The following KCNIP4 variants were observed in gnomAD, a reference collection of about 807,000 sequenced individuals.
The protein encoded by KCNIP4 is Kv channel-interacting protein 4.
A neutral mutation model predicts 34.0 loss-of-function variants in KCNIP4; 12 were observed. The observed-to-expected ratio is 0.35, with a 90% confidence interval of 0.23 to 0.57. The LOEUF (loss-of-function observed/expected upper bound fraction) is 0.57. Ranked by LOEUF, KCNIP4 falls within the 20% of genes least tolerant of loss-of-function variation. The pLI is 0.83. For missense variants in KCNIP4, 238 were observed against 311.7 expected (o/e 0.76, Z 1.78); for synonymous variants, 124 against 102.2 (o/e 1.21, Z -1.29).
Position 21,716,186 on chromosome 4 carries a change from G to C in KCNIP4, c.61+232385C>G, listed in dbSNP as rs568990365. 6.6e-5 allele frequency among the ~76,000 whole-genome samples: 10 copies of C among 152,246 alleles called. 2 individuals carry two copies. Among genetic ancestry groups the C allele is most frequent in the African/African-American group, 2.4e-4 (10 of 41,556 alleles). On this transcript the variant is annotated intron_variant, in intron 1 of 8. Coordinates refer to ENST00000382152, the MANE Select transcript of KCNIP4 (RefSeq NM_025221.6). ...GTTGTCTACGGAACCCCAAGTCTAT[G>C]AGCAAAGTGACTCAGTTTACGTATG...
intron 1 of KCNIP4, among the ~76,000 whole-genome samples, chr4:21,810,855 C>CAA (rs1347675907): frequency 3.3e-5 from 5 of 151,930 alleles, no homozygotes; most frequent in Non-Finnish European, 7.4e-5. Context: ...ACACCAAAGA[C>CAA]AAAAAAACTC....
At chr4:20,739,513 G>A (rs905395769) in intron 5 of KCNIP4, among the ~76,000 whole-genome samples, 8 of 152,176 alleles carry the variant, frequency 5.3e-5, no homozygotes, top group African/African-American at 1.7e-4. Context: ...CTGACTGTTA[G>A]AAGGAAAACT....
chr4:20,894,159 G>A (rs540796826), intron 1 of KCNIP4, among the ~76,000 whole-genome samples: 1 of 152,296 alleles, frequency 6.6e-6, no homozygotes, highest in East Asian at 1.9e-4. Context: ...GGGATTACAG[G>A]CGTGAGCCAC....
intron 1 of KCNIP4, among the ~76,000 whole-genome samples, chr4:21,147,954 A>AAG (rs1374646326): frequency 7.2e-5 from 10 of 138,566 alleles, no homozygotes; most frequent in African/African-American, 2.7e-4. Context: ...AAAAAAAAAA[A>AAG]AAAAAAGAAA....
chr4:21,108,282 T>G (rs1748778089), intron 1 of KCNIP4, among the ~76,000 whole-genome samples: 1 of 136,952 alleles, frequency 7.3e-6, no homozygotes. Context: ...CCATATTTCT[T>G]GGAGGCTTTG....
chr4:21,200,405 T>C (rs1756406406), intron 1 of KCNIP4, among the ~76,000 whole-genome samples: 1 of 55,056 alleles, frequency 1.8e-5, no homozygotes, highest in South Asian at 8.3e-4. Flanking sequence ...TACATACATA[T>C]ATGTGTGTAT....
At chr4:20,900,596 A>G (rs1157128753) in intron 1 of KCNIP4, among the ~76,000 whole-genome samples, 1 of 152,200 alleles carries the variant, frequency 6.6e-6, no homozygotes, top group Non-Finnish European at 1.5e-5. Context: ...CTGAAGTGCC[A>G]GATCCTGGCA....
intron 1 of KCNIP4, among the ~76,000 whole-genome samples, chr4:21,583,943 T>C (rs1265396181): frequency 1.3e-5 from 2 of 152,090 alleles, no homozygotes; most frequent in African/African-American, 4.8e-5. Context: ...ATGTTATTTA[T>C]GAACATAAAA....
intron 1 of KCNIP4, among the ~76,000 whole-genome samples, chr4:21,181,718 GACA>G (rs1202287932): frequency 6.6e-6 from 1 of 152,086 alleles, no homozygotes; most frequent in Non-Finnish European, 1.5e-5. Flanking sequence ...TCTCCTCTTT[GACA>G]ACAAGGCAGT....
intron 1 of KCNIP4, among the ~76,000 whole-genome samples, chr4:21,941,576 T>G (rs1163229956): frequency 1.3e-5 from 2 of 151,932 alleles, no homozygotes; most frequent in Admixed American, 6.6e-5. Context: ...GACATTTCCC[T>G]AAGCCAATAC....
chr4:21,650,106 G>A (rs1162662947), intron 1 of KCNIP4, among the ~76,000 whole-genome samples: 1 of 152,144 alleles, frequency 6.6e-6, no homozygotes, highest in Non-Finnish European at 1.5e-5. Flanking sequence ...ACTCCTTGAA[G>A]CAGAAACTAA....
At chr4:21,625,745 T>A (rs2109189581) in intron 1 of KCNIP4, among the ~76,000 whole-genome samples, 1 of 152,276 alleles carries the variant, frequency 6.6e-6, no homozygotes, top group East Asian at 1.9e-4. Context: ...AGCTTTCCAA[T>A]GACTAAATGC....
intron 1 of KCNIP4, among the ~76,000 whole-genome samples, chr4:21,029,416 G>T (rs528772085): frequency 6.6e-6 from 1 of 152,222 alleles, no homozygotes; most frequent in East Asian, 1.9e-4. Context: ...TAACAGTGCA[G>T]TAATTGTTAG....
chr4:20,879,239 G>A (rs1447548984), intron 2 of KCNIP4, among the ~76,000 whole-genome samples: 1 of 152,136 alleles, frequency 6.6e-6, no homozygotes, highest in Non-Finnish European at 1.5e-5. Context: ...TCTGGTTGAG[G>A]CGATACTAGT....
In KCNIP4 at chr4:21,234,166, T is replaced by C. The variant is rs1404909665; in HGVS notation, c.62-351457A>G. Reference sequence around the variant, plus strand: ...TATATATAACATATATAACGTATATTATATATAACATATATAACGTATATT... The same window carrying C: ...TATATATAACATATATAACGTATATCATATATAACATATATAACGTATATT... On this transcript the variant is annotated intron_variant, in intron 1 of 8. Coordinates refer to ENST00000382152, the MANE Select transcript of KCNIP4 (RefSeq NM_025221.6). 1.4e-4 allele frequency among the ~76,000 whole-genome samples: 15 copies of C among 106,358 alleles called. 2 individuals are homozygous for C. The highest frequency in any genetic ancestry group is 5.5e-4 in the African/African-American group (11 of 20,086). The allele number at this position is 106,358 out of a possible 152,430, so 69.8% of individuals were successfully genotyped here.
At chr4:21,081,161 T>C (rs749912389) in intron 1 of KCNIP4, among the ~76,000 whole-genome samples, 4 of 151,884 alleles carry the variant, frequency 2.6e-5, no homozygotes, top group Non-Finnish European at 5.9e-5. Flanking sequence ...AAGACCTGAT[T>C]GGAATGAACA....
chr4:21,520,425 A>G (rs765975592), intron 1 of KCNIP4, among the ~76,000 whole-genome samples: 14 of 152,288 alleles, frequency 9.2e-5, no homozygotes, highest in South Asian at 6.2e-4. Context: ...GAATTGACTA[A>G]GACAGTCACA....
intron 1 of KCNIP4, among the ~76,000 whole-genome samples, chr4:20,937,873 A>G (rs1731241349): frequency 6.6e-6 from 1 of 152,012 alleles, no homozygotes; most frequent in Admixed American, 6.5e-5. Context: ...AAGCCTAGTC[A>G]TAGGTTTAAC....
rs138186147 is a variant in KCNIP4, at chr4:20,990,927, A to G, written c.62-108218T>C. Among the ~76,000 whole-genome samples, 323 of 152,346 alleles carry G rather than the reference A, an allele frequency of 2.1e-3. 1 individual carries two copies. Among genetic ancestry groups the G allele is most frequent in the African/African-American group, 7.3e-3 (304 of 41,582 alleles). Reference sequence around the variant, plus strand: ...ATATTATAGTTTGTAGTACAATAATACTGAATTCCTACCACGTGACACACA... The same window carrying G: ...ATATTATAGTTTGTAGTACAATAATGCTGAATTCCTACCACGTGACACACA... On this transcript the variant is annotated intron_variant, in intron 1 of 8. Coordinates refer to ENST00000382152, the MANE Select transcript of KCNIP4 (RefSeq NM_025221.6).
Sources: allele counts gnomAD v4.1 joint callset (sites outside exome capture counted in the v4.1 genomes callset), GRCh38; gene constraint gnomAD v4.1.1; transcripts MANE v1.5; gene names NCBI Gene and HGNC (gene_info 2026-07-23, HGNC 2026-07-21).